The following TRAPPC8 variants were observed in gnomAD, a reference collection of about 807,000 sequenced individuals.
TRAPPC8 encodes the protein general sporulation gene 1 homolog.
A neutral mutation model predicts 174.3 loss-of-function variants in TRAPPC8; 54 were observed. That is an observed-to-expected ratio of 0.31 (90% CI 0.25 to 0.39). The LOEUF is 0.39. Ranked by LOEUF, TRAPPC8 falls within the 10% of genes least tolerant of loss-of-function variation. The probability of loss-of-function intolerance (pLI) is 1.00; values close to 1 mark genes in which losing one functional copy is unlikely to be tolerated. For synonymous variants in TRAPPC8, 630 were observed against 579.9 expected (o/e 1.09, Z -1.24); for missense variants, 1,531 against 1,699.1 (o/e 0.90, Z 1.74).
At chr18:31,899,650 T>A (rs1158043606) in intron 10 of TRAPPC8, among the ~76,000 whole-genome samples, 1 of 152,200 alleles carries the variant, frequency 6.6e-6, no homozygotes, top group African/African-American at 2.4e-5. Context: ...TGAAGCTTAA[T>A]AAAAATAATA....
Position 31,839,312 on chromosome 18 carries a change from CTTTTT to C in TRAPPC8, c.3978_3982del (p.Lys1327ProfsTer15). On this transcript the variant is annotated frameshift_variant and splice_region_variant, in exon 27 of 29. Coordinates refer to ENST00000283351, the MANE Select transcript of TRAPPC8 (RefSeq NM_014939.5). LOFTEE classifies it high-confidence loss of function. ...TTGGTAACAAAAATAAAGCTCAAAC[CTTTTT>C]TGATGAAATGGATGATTAAATGATT... 6.3e-7 allele frequency: 1 copy of C among 1,589,234 alleles called. No homozygotes were observed. The highest frequency in any genetic ancestry group is 8.5e-7 in the Non-Finnish European group (1 of 1,170,956).
At chr18:31,863,033 CAG>C (rs1294229510) in intron 19 of TRAPPC8, among the ~76,000 whole-genome samples, 1 of 111,510 alleles carries the variant, frequency 9.0e-6, no homozygotes, top group African/African-American at 3.6e-5. Context: ...GCCTGGGTGA[CAG>C]AGCAAGACTA....
intron 25 of TRAPPC8, among the ~76,000 whole-genome samples, chr18:31,847,330 T>G (rs1024488506): frequency 6.6e-6 from 1 of 152,200 alleles, no homozygotes; most frequent in African/African-American, 2.4e-5. Flanking sequence ...GTGAGCTGAC[T>G]TTATCTATAT....
chr18:31,928,336 TACACACACACACACACAC>T (rs34570497), intron 2 of TRAPPC8, among the ~76,000 whole-genome samples: 2 of 142,854 alleles, frequency 1.4e-5, no homozygotes, highest in Non-Finnish European at 3.1e-5. Context: ...ACCTTATCTC[TACACACACACACACACAC>T]ACACACACAC....
chr18:31,938,647 T>G (rs2038202251), intron 1 of TRAPPC8, among the ~76,000 whole-genome samples: 1 of 152,212 alleles, frequency 6.6e-6, no homozygotes. Context: ...CTACCCTAAG[T>G]AAAGGCATAC....
intron 25 of TRAPPC8, 43 bp from the exon 26 acceptor site, chr18:31,846,860 A>G (rs1385709240): frequency 6.8e-7 from 1 of 1,477,258 alleles, no homozygotes; most frequent in Non-Finnish European, 9.4e-7. Flanking sequence ...GCTTGACAGT[A>G]ACCTCTAAAG....
chr18:31,896,656 C>T (rs189581529), intron 11 of TRAPPC8, among the ~76,000 whole-genome samples: 126 of 152,232 alleles, frequency 8.3e-4, no homozygotes, highest in Middle Eastern at 6.8e-3. Context: ...AAATGAGTCT[C>T]GCTCTGTCGT....
chr18:31,885,136 C>T (rs1367037896), intron 12 of TRAPPC8, among the ~76,000 whole-genome samples: 1 of 152,026 alleles, frequency 6.6e-6, no homozygotes, highest in Non-Finnish European at 1.5e-5. Flanking sequence ...GGATTATAGG[C>T]GTGAGCCACC....
chr18:31,884,915 G>A (rs905195147), intron 12 of TRAPPC8, among the ~76,000 whole-genome samples: 13 of 150,846 alleles, frequency 8.6e-5, no homozygotes, highest in African/African-American at 2.7e-4. Context: ...GTGCAGTGGC[G>A]CGATATCAGC....
At chr18:31,892,655 T>C (rs2036003101) in intron 11 of TRAPPC8, among the ~76,000 whole-genome samples, 1 of 152,142 alleles carries the variant, frequency 6.6e-6, no homozygotes, top group Non-Finnish European at 1.5e-5. Context: ...GTAGCACCAA[T>C]ACATACTCTC....
Position 31,898,138 on chromosome 18 carries a change from CCTA to C in TRAPPC8, c.1491-250_1491-248del, listed in dbSNP as rs36095058. On this transcript the variant is annotated intron_variant, in intron 10 of 28. Transcript: ENST00000283351. Reference sequence around the variant, plus strand: ...AATAATCTCTATATTACTTATAATACCTACTACAATGTAAATACTATGTAAATC... The same window carrying C: ...AATAATCTCTATATTACTTATAATACCTACAATGTAAATACTATGTAAATC... Among the ~76,000 whole-genome samples, 707 of 152,126 alleles carry C rather than the reference CCTA, an allele frequency of 4.6e-3. 23 individuals carry two copies. Among genetic ancestry groups the C allele is most frequent in the East Asian group, 0.036 (187 of 5,186 alleles).
intron 14 of TRAPPC8, 125 bp downstream of exon 14, chr18:31,873,305 A>G: frequency 1.3e-6 from 1 of 782,072 alleles, no homozygotes; most frequent in Non-Finnish European, 2.0e-6. Flanking sequence ...GCATGAGCCA[A>G]TCGTACCCGG....
intron 12 of TRAPPC8, among the ~76,000 whole-genome samples, chr18:31,875,099 AAACTTC>A (rs1481077375): frequency 6.6e-6 from 1 of 152,208 alleles, no homozygotes; most frequent in Non-Finnish European, 1.5e-5. Context: ...ATATGTAAAC[AAACTTC>A]AACATTTAAA....
In TRAPPC8 at chr18:31,831,863, C is replaced by A. The variant is rs181674454; in HGVS notation, c.4073+221G>T. 9.4e-4 allele frequency among the ~76,000 whole-genome samples: 143 copies of A among 151,980 alleles called. 3 individuals are homozygous for A. The South Asian group carries it at 0.016, about 17-fold the overall frequency. On this transcript the variant is annotated intron_variant, in intron 28 of 28. Transcript: ENST00000283351. Reference sequence around the variant, plus strand: ...GAGTATCTGATGTGGGACTGTGGATCTGGATTTTTTTTTGTTGTTAAGTAC... The same window carrying A: ...GAGTATCTGATGTGGGACTGTGGATATGGATTTTTTTTTGTTGTTAAGTAC...
rs71175801 is a variant in TRAPPC8, at chr18:31,876,489, C to CAAAAAAAAAAAAAAAAAAAAAAAAA, written c.1729-1786_1729-1785insTTTTTTTTTTTTTTTTTTTTTTTTT. ...TGGGCTACACTGCGAGACTCCATCTCAAAAAAAAAAAAAAAAAAAAAAAGA... is the reference window on the plus strand; with the variant it reads ...TGGGCTACACTGCGAGACTCCATCTCAAAAAAAAAAAAAAAAAAAAAAAAAAAAAAAAAAAAAAAAAAAAAAAAGA... On this transcript the variant is annotated intron_variant, in intron 12 of 28. Coordinates refer to ENST00000283351, the MANE Select transcript of TRAPPC8 (RefSeq NM_014939.5). Among the ~76,000 whole-genome samples, 21 of 48,712 alleles carry CAAAAAAAAAAAAAAAAAAAAAAAAA rather than the reference C, an allele frequency of 4.3e-4. 2 individuals carry two copies. The highest frequency in any genetic ancestry group is 1.2e-3 in the East Asian group (2 of 1,622). The allele number at this position is 48,712 out of a possible 152,430, so 32.0% of individuals were successfully genotyped here. A position where few individuals can be genotyped will look rare whatever the true frequency, so the allele number is the denominator to read the frequency against.
chr18:31,885,687 T>A (rs1210870898), intron 12 of TRAPPC8, among the ~76,000 whole-genome samples: 1 of 151,592 alleles, frequency 6.6e-6, no homozygotes, highest in Non-Finnish European at 1.5e-5. Flanking sequence ...GGAGAAACCC[T>A]GTCTCTACTA....
chr18:31,923,423 C>G (rs1234709978), intron 2 of TRAPPC8, among the ~76,000 whole-genome samples: 1 of 152,162 alleles, frequency 6.6e-6, no homozygotes, highest in Non-Finnish European at 1.5e-5. Flanking sequence ...GGAATAGCAG[C>G]TTTAAATGAC....
At chr18:31,935,839 A>G (rs2038074071) in intron 1 of TRAPPC8, among the ~76,000 whole-genome samples, 1 of 151,448 alleles carries the variant, frequency 6.6e-6, no homozygotes, top group Non-Finnish European at 1.5e-5. Flanking sequence ...AGGTTCAAGC[A>G]ATTCCCCTGC....
chr18:31,915,293 T>C (rs1251747183), intron 4 of TRAPPC8, among the ~76,000 whole-genome samples: 1 of 149,582 alleles, frequency 6.7e-6, no homozygotes, highest in Non-Finnish European at 1.5e-5. Context: ...AAACCCTATC[T>C]CTACTAAAAA....
Sources: gnomAD v4.1 joint callset for allele counts (sites outside exome capture counted in the v4.1 genomes callset) on GRCh38, gnomAD v4.1.1 for gene constraint, MANE v1.5 for transcripts, NCBI Gene and HGNC (gene_info 2026-07-23, HGNC 2026-07-21) for gene names.